Variants in GGTA1 observed in about 807,000 individuals in gnomAD.
The protein encoded by GGTA1 is inactive N-acetyllactosaminide alpha-1,3-galactosyltransferase.
A neutral mutation model predicts 2.6 loss-of-function variants in GGTA1; 5 were observed. That is an observed-to-expected ratio of 1.92 (90% CI 1.00 to 4.04). The LOEUF (loss-of-function observed/expected upper bound fraction) is 4.04. Ranked by LOEUF, GGTA1 falls within the 30% of genes most tolerant of loss-of-function variation. The pLI is 0.00. For missense variants in GGTA1, 50 were observed against 16.7 expected, an observed-to-expected ratio of 2.99 and a Z score of -3.47; for synonymous variants, 17 against 5.0, an observed-to-expected ratio of 3.38 and a Z score of -3.19.
intron 1 of GGTA1, among the ~76,000 whole-genome samples, chr9:121,468,899 T>C (rs975552201): frequency 6.6e-6 from 1 of 152,136 alleles, no homozygotes; most frequent in Non-Finnish European, 1.5e-5. Flanking sequence ...CCCCACCTTT[T>C]ATCTCGTGAC....
intron 1 of GGTA1, among the ~76,000 whole-genome samples, chr9:121,470,466 G>A (rs1489952273): frequency 3.9e-5 from 6 of 152,210 alleles, no homozygotes; most frequent in Non-Finnish European, 8.8e-5. Context: ...GAGATGACAA[G>A]AGGCAAACAG....
chr9:121,485,359 G>C (rs1828737298), intron 1 of GGTA1, among the ~76,000 whole-genome samples: 1 of 152,094 alleles, frequency 6.6e-6, no homozygotes, highest in Non-Finnish European at 1.5e-5. Flanking sequence ...CACTGGCTAT[G>C]TGACAGAGTC....
chr9:121,467,801 C>T (rs1464175737), intron 2 of GGTA1, 42 bp downstream of exon 2: 1 of 450,400 alleles, frequency 2.2e-6, no homozygotes, highest in African/African-American at 2.0e-5. Context: ...AGAATCAAAG[C>T]AGTATTTTCA....
chr9:121,472,715 G>C (rs145633436), intron 1 of GGTA1, among the ~76,000 whole-genome samples: 1 of 152,196 alleles, frequency 6.6e-6, no homozygotes, highest in Non-Finnish European at 1.5e-5. Context: ...GTGTGCCGAG[G>C]AGGCAACAGA....
intron 1 of GGTA1, among the ~76,000 whole-genome samples, chr9:121,485,970 C>T (rs1399186036): frequency 2.6e-5 from 4 of 152,168 alleles, no homozygotes; most frequent in Non-Finnish European, 4.4e-5. Context: ...GTGATTCCTG[C>T]GCACACCATG....
At chr9:121,449,141 A>G (rs917199676) in intron 7 of GGTA1, among the ~76,000 whole-genome samples, 3 of 152,220 alleles carry the variant, frequency 2.0e-5, no homozygotes, top group Non-Finnish European at 2.9e-5. Context: ...TATTTTTAGC[A>G]TGGAATAATA....
downstream of GGTA1, chr9:121,451,958 T>C (rs1204987715): frequency 6.6e-6 from 1 of 152,198 alleles, no homozygotes; most frequent in Non-Finnish European, 1.5e-5. Flanking sequence ...ACTTACCTAC[T>C]ATTATTTTGT....
At position 121,458,625 on chromosome 9, in the gene GGTA1, CAAATAAATAAATAAATAAAT is replaced by C. The variant is rs141109769; in HGVS notation, c.298+1459_298+1478del. Among the ~76,000 whole-genome samples, 5 of 143,902 alleles carry C rather than the reference CAAATAAATAAATAAATAAAT, an allele frequency of 3.5e-5. No homozygotes were observed. In the East Asian group the frequency reaches 8.3e-4, roughly 24 times the overall value. The allele number at this position is 143,902 out of a possible 152,430, so 94.4% of individuals were successfully genotyped here. On this transcript the variant is annotated intron_variant, in intron 5 of 5. Coordinates refer to ENST00000481799, the MANE Select transcript of GGTA1 (RefSeq NM_001382585.1). ...CTGGTGGCAGAATGAGACCCTGTCT[CAAATAAATAAATAAATAAAT>C]AAATAAATAAATAAATAAAGGATAA...
chr9:121,453,717 A>C (rs2064890527), downstream of GGTA1, among the ~76,000 whole-genome samples: 1 of 152,202 alleles, frequency 6.6e-6, no homozygotes, highest in Admixed American at 6.5e-5. Context: ...TGAGGCTGTC[A>C]AGGAGACGTT....
At chr9:121,457,581 G>T (rs1451470632) in intron 5 of GGTA1, among the ~76,000 whole-genome samples, 1 of 151,220 alleles carries the variant, frequency 6.6e-6, no homozygotes, top group Admixed American at 6.6e-5. Flanking sequence ...GGCGCCTGTA[G>T]TCCCAGCTAC....
intron 1 of GGTA1, among the ~76,000 whole-genome samples, chr9:121,477,454 CGTT>C (rs770823643): frequency 2.0e-5 from 3 of 151,588 alleles, no homozygotes; most frequent in East Asian, 1.9e-4. Context: ...TTTCTTATGT[CGTT>C]GTTTTCTGGA....
chr9:121,458,625 C>CAAAT (rs141109769), intron 5 of GGTA1, among the ~76,000 whole-genome samples: 30,320 of 143,694 alleles, frequency 0.21, 3,330 homozygotes, highest in Admixed American at 0.29. Context: ...GACCCTGTCT[C>CAAAT]AAATAAATAA....
At chr9:121,483,167 C>T (rs1021824627) in intron 1 of GGTA1, among the ~76,000 whole-genome samples, 1 of 152,158 alleles carries the variant, frequency 6.6e-6, no homozygotes, top group Non-Finnish European at 1.5e-5. Flanking sequence ...ATCACAATCA[C>T]CTGTGAAGTG....
chr9:121,467,144 G>A (rs193051706), intron 2 of GGTA1, among the ~76,000 whole-genome samples: 1 of 152,076 alleles, frequency 6.6e-6, no homozygotes, highest in Non-Finnish European at 1.5e-5. Flanking sequence ...TGAGTCAAAG[G>A]CATCAGGCAT....
chr9:121,496,697 A>C (rs1385578689), intron 1 of GGTA1, among the ~76,000 whole-genome samples: 3 of 126,080 alleles, frequency 2.4e-5, no homozygotes, highest in Non-Finnish European at 4.7e-5. Context: ...ATGCCACTGC[A>C]CTCCAGCCTG....
At chr9:121,473,285 A>G (rs1268258345) in intron 1 of GGTA1, among the ~76,000 whole-genome samples, 1 of 138,516 alleles carries the variant, frequency 7.2e-6, no homozygotes, top group Non-Finnish European at 1.5e-5. Flanking sequence ...ATGCCACTGC[A>G]CTCCGGCCTA....
At chr9:121,466,988 T>C (rs1019499321) in intron 2 of GGTA1, among the ~76,000 whole-genome samples, 1 of 151,456 alleles carries the variant, frequency 6.6e-6, no homozygotes, top group Non-Finnish European at 1.5e-5. Context: ...AAAGAGATAT[T>C]CGAATGTTAA....
downstream of GGTA1, chr9:121,454,908 G>C (rs1449528520): frequency 1.3e-5 from 2 of 152,264 alleles, no homozygotes; most frequent in African/African-American, 4.8e-5. Context: ...CAGCTACTTG[G>C]GAGGCTGAGG....
chr9:121,482,230 G>A (rs1247295866), intron 1 of GGTA1, among the ~76,000 whole-genome samples: 1 of 152,122 alleles, frequency 6.6e-6, no homozygotes, highest in Admixed American at 6.5e-5. Flanking sequence ...CACTTTGGGA[G>A]GCTGAGGCAG....
Sources: gnomAD v4.1 joint callset for allele counts (sites outside exome capture counted in the v4.1 genomes callset) on GRCh38, gnomAD v4.1.1 for gene constraint, MANE v1.5 for transcripts, NCBI Gene and HGNC (gene_info 2026-07-23, HGNC 2026-07-21) for gene names.